The following NAV1 variants were observed in gnomAD, a reference collection of about 807,000 sequenced individuals.
The protein encoded by NAV1 is neuron navigator 1.
A neutral mutation model predicts 175.2 loss-of-function variants in NAV1; 18 were observed. The ratio of observed to expected loss-of-function variants is 0.10; its 90% CI spans 0.07 to 0.15. The LOEUF is 0.15. NAV1 is among the 10% of genes least tolerant of loss of function. The pLI, the probability that NAV1 is intolerant of heterozygous loss-of-function variation, is 1.00. For missense variants in NAV1, 1,731 were observed against 2,436.6 expected (o/e 0.71, Z 6.10); for synonymous variants, 897 against 978.7 (o/e 0.92, Z 1.56).
intron 3 of NAV1, among the ~76,000 whole-genome samples, chr1:201,720,750 T>C (rs1672348337): frequency 6.6e-6 from 1 of 152,272 alleles, no homozygotes; most frequent in African/African-American, 2.4e-5. Context: ...GAATAATTCC[T>C]GGCTCATTGT....
chr1:201,591,327 C>T (rs1398302121), intron 2 of NAV1, among the ~76,000 whole-genome samples: 1 of 152,150 alleles, frequency 6.6e-6, no homozygotes, highest in Non-Finnish European at 1.5e-5. Flanking sequence ...CACCCCTTAG[C>T]AGTGACAGGT....
intron 1 of NAV1, among the ~76,000 whole-genome samples, chr1:201,667,650 G>A (rs960813268): frequency 6.6e-6 from 1 of 152,238 alleles, no homozygotes; most frequent in African/African-American, 2.4e-5. Context: ...AACAGCTGCT[G>A]TTGGCCTGAC....
chr1:201,574,125 A>G (rs1233643237), intron 1 of NAV1, among the ~76,000 whole-genome samples: 2 of 152,040 alleles, frequency 1.3e-5, no homozygotes, highest in Non-Finnish European at 2.9e-5. Flanking sequence ...TTTACTGAGC[A>G]CTCTTCAGTG....
chr1:201,788,458 G>C lies in NAV1; in HGVS notation c.2996-10G>C. 1 of 1,613,618 alleles carries C rather than the reference G, an allele frequency of 6.2e-7. No homozygotes were observed. Among genetic ancestry groups the C allele is most frequent in the South Asian group, 1.1e-5 (1 of 91,062 alleles). ...TCCCTCTCCTGTCCCCCTTCCCTCT[G>C]TCCTTCCAGTGAGTCCCACTGCGGC... On this transcript the variant is annotated splice_polypyrimidine_tract_variant and intron_variant, in intron 9 of 29. Coordinates refer to ENST00000367296, the Ensembl canonical transcript of NAV1. The surrounding 1 kb of genome is among the most constrained non-coding windows in gnomAD (Gnocchi z 5.7).
In NAV1 at chr1:201,740,614, G is replaced by T. The variant is rs12027202; in HGVS notation, c.1226+21859G>T. On this transcript the variant is annotated intron_variant, in intron 3 of 29. Transcript: ENST00000367296. This position sits in a 1 kb window ranked among gnomAD's most constrained non-coding sequence, Gnocchi z 4.7. ...GAGGCGGAAGGATGAAACGGGGGAG[G>T]GAGGGGACGTTGAATTTGTGACCGT... Among the ~76,000 whole-genome samples, 37,062 of 151,884 alleles carry T rather than the reference G, an allele frequency of 0.24. 5,104 individuals are homozygous for T. Among genetic ancestry groups the T allele is most frequent in the Non-Finnish European group, 0.31 (21,295 of 67,862 alleles).
In NAV1 at chr1:201,808,773, C is replaced by T. The variant is rs1426163721; in HGVS notation, c.4109C>T (p.Thr1370Ile). The T allele has an allele frequency of 1.2e-6, 2 of 1,614,088 alleles. No individual in the cohort carries two copies. The highest frequency in any genetic ancestry group is 1.7e-6 in the Non-Finnish European group (2 of 1,180,048). The stretch of plus-strand genomic sequence containing the variant: ...GCCCCAGGCCCCTCATCAGGCTCCA[C>T]TCCAGGGCAGGTCCCTGGATCATCT... Residue 1370 changes from threonine to isoleucine, a missense_variant, in exon 20 of 30, where the codon ACT (threonine) becomes ATT (isoleucine). Transcript: ENST00000367296. The surrounding 1 kb of genome is among the most constrained non-coding windows in gnomAD (Gnocchi z 5.5).
chr1:201,675,335 CT>C (rs1242984147), intron 1 of NAV1, among the ~76,000 whole-genome samples: 4 of 152,232 alleles, frequency 2.6e-5, no homozygotes, highest in African/African-American at 9.6e-5. Flanking sequence ...CTGTCCCCTG[CT>C]CCTGAGATCC....
chr1:201,789,719 T>C (rs1356921692), intron 10 of NAV1, 21 bp from the exon 15 acceptor site: 5 of 1,613,618 alleles, frequency 3.1e-6, no homozygotes, highest in African/African-American at 1.3e-5. Flanking sequence ...GTTAACTCTT[T>C]GTGTTCTCCT....
At chr1:201,809,123 G>A (rs765395392) in intron 20 of NAV1, 41 bp from the exon 25 acceptor site, 16 of 1,574,478 alleles carry the variant, frequency 1.0e-5, no homozygotes, top group African/African-American at 8.1e-5. Context: ...GAAAGGCTGC[G>A]GGTACTCCTA....
rs889192668 is a variant in NAV1, at chr1:201,740,732, C to T, written c.1226+21977C>T. Among the ~76,000 whole-genome samples the T allele has an allele frequency of 6.6e-6, 1 of 152,140 alleles. No homozygotes were observed. The highest frequency in any genetic ancestry group is 1.9e-4 in the East Asian group (1 of 5,176). ...CGGAGAGCCGGGTAATTTGGGGAGACGCACAGTGAGGGACTGGTCGTGTAA... is the reference window on the plus strand; with the variant it reads ...CGGAGAGCCGGGTAATTTGGGGAGATGCACAGTGAGGGACTGGTCGTGTAA... On this transcript the variant is annotated intron_variant, in intron 3 of 29. Transcript: ENST00000367296. The surrounding 1 kb of genome is among the most constrained non-coding windows in gnomAD (Gnocchi z 4.7).
intron 2 of NAV1, among the ~76,000 whole-genome samples, chr1:201,591,616 G>A (rs952498209): frequency 4.6e-5 from 7 of 152,214 alleles, no homozygotes; most frequent in African/African-American, 1.7e-4. Context: ...CAGTTCTGCA[G>A]CCTGCTGGCT....
At chr1:201,659,697 A>T (rs1669533904) in intron 1 of NAV1, among the ~76,000 whole-genome samples, 1 of 152,252 alleles carries the variant, frequency 6.6e-6, no homozygotes, top group African/African-American at 2.4e-5. Flanking sequence ...CATTCCAGTT[A>T]TCCAGCTTTG....
At chr1:201,713,179 A>C (rs1041431420) in intron 2 of NAV1, among the ~76,000 whole-genome samples, 3 of 152,240 alleles carry the variant, frequency 2.0e-5, no homozygotes, top group Admixed American at 2.0e-4. Flanking sequence ...GGAGCCAGGA[A>C]GTGGAAGCCA....
At chr1:201,716,869 C>A (rs1672163289) in intron 2 of NAV1, among the ~76,000 whole-genome samples, 1 of 152,170 alleles carries the variant, frequency 6.6e-6, no homozygotes, top group African/African-American at 2.4e-5. Context: ...CAGAGTGAGA[C>A]CCTGTCTCAA....
At chr1:201,622,110 G>C (rs138237920), upstream of NAV1, among the ~76,000 whole-genome samples, 7 of 152,072 alleles carry the variant, frequency 4.6e-5, no homozygotes, top group Non-Finnish European at 1.0e-4. Context: ...TCTTTTAGAC[G>C]AGGGTGGCAG....
intron 1 of NAV1, among the ~76,000 whole-genome samples, chr1:201,577,911 C>T (rs1666740662): frequency 6.6e-6 from 1 of 152,182 alleles, no homozygotes; most frequent in Non-Finnish European, 1.5e-5. Flanking sequence ...TCCTGTTTCT[C>T]TTCCTGCTTT....
At chr1:201,626,145 C>G (rs1382436866) in intron 1 of NAV1, among the ~76,000 whole-genome samples, 1 of 152,234 alleles carries the variant, frequency 6.6e-6, no homozygotes, top group Non-Finnish European at 1.5e-5. Context: ...CCAGCACACT[C>G]TGCAGGGCCT....
At chr1:201,690,772 G>C (rs1670896545) in intron 1 of NAV1, among the ~76,000 whole-genome samples, 1 of 150,996 alleles carries the variant, frequency 6.6e-6, no homozygotes, top group South Asian at 2.1e-4. Context: ...GGCAGTGTGT[G>C]TGTCTGTTTC....
At chr1:201,730,653 C>A (rs1193526361) in intron 3 of NAV1, among the ~76,000 whole-genome samples, 1 of 152,268 alleles carries the variant, frequency 6.6e-6, no homozygotes, top group Non-Finnish European at 1.5e-5. Context: ...AATGCCCTTA[C>A]ATGACCTCTC....
Sources: gnomAD v4.1 joint callset for allele counts (sites outside exome capture counted in the v4.1 genomes callset) on GRCh38, gnomAD v4.1.1 for gene constraint, Gnocchi (gnomAD v3.1) non-coding constraint, MANE v1.5 for transcripts, NCBI Gene and HGNC (gene_info 2026-07-23, HGNC 2026-07-21) for gene names.